The following ROBO1 variants were observed in gnomAD, a reference collection of about 807,000 sequenced individuals.
ROBO1 encodes the protein roundabout homolog 1.
Under a neutral mutation model 195.9 loss-of-function variants are expected in ROBO1, and 149 were observed. The observed-to-expected ratio is 0.76, with a 90% CI of 0.67 to 0.87. The LOEUF (loss-of-function observed/expected upper bound fraction) is 0.87. Ranked by LOEUF, ROBO1 falls within the 40% of genes least tolerant of loss-of-function variation. ROBO1 has a pLI of 0.00. For missense variants in ROBO1, 1,933 were observed against 2,068.3 expected (o/e 0.93, Z 1.27); for synonymous variants, 816 against 733.2 (o/e 1.11, Z -1.82).
intron 2 of ROBO1, among the ~76,000 whole-genome samples, chr3:79,389,628 A>C (rs1365402580): frequency 6.6e-6 from 1 of 152,200 alleles, no homozygotes; most frequent in African/African-American, 2.4e-5. Flanking sequence ...CACTGTGAAG[A>C]GGCAACTTTG....
At chr3:78,752,607 A>G (rs1209585824) in intron 4 of ROBO1, among the ~76,000 whole-genome samples, 1 of 152,188 alleles carries the variant, frequency 6.6e-6, no homozygotes, top group Non-Finnish European at 1.5e-5. Context: ...CTTAATATTT[A>G]TTAAATAATT....
At chr3:78,648,991 C>A (rs1387514767) in intron 19 of ROBO1, among the ~76,000 whole-genome samples, 1 of 152,012 alleles carries the variant, frequency 6.6e-6, no homozygotes, top group Admixed American at 6.6e-5. Flanking sequence ...CCAATTTATA[C>A]CCTGGCCTTC....
chr3:79,277,294 A>T (rs2031121746), intron 2 of ROBO1, among the ~76,000 whole-genome samples: 1 of 152,136 alleles, frequency 6.6e-6, no homozygotes. Flanking sequence ...GCCACAAAAA[A>T]ATTAGATCCT....
At chr3:79,280,400 T>C (rs1482047003) in intron 2 of ROBO1, among the ~76,000 whole-genome samples, 2 of 152,108 alleles carry the variant, frequency 1.3e-5, no homozygotes, top group African/African-American at 4.8e-5. Context: ...AAGGTTTACG[T>C]TGTATATACA....
intron 2 of ROBO1, among the ~76,000 whole-genome samples, chr3:79,288,970 T>C (rs1276047075): frequency 2.6e-5 from 4 of 152,162 alleles, no homozygotes; most frequent in Admixed American, 2.0e-4. Context: ...GGACATTCAA[T>C]GTTGTTGTAA....
At chr3:79,251,300 T>C (rs1324962484) in intron 2 of ROBO1, among the ~76,000 whole-genome samples, 1 of 152,164 alleles carries the variant, frequency 6.6e-6, no homozygotes, top group Non-Finnish European at 1.5e-5. Flanking sequence ...ATTTCTTCAT[T>C]GTCTTATTTG....
intron 18 of ROBO1, among the ~76,000 whole-genome samples, chr3:78,653,698 CT>C (rs1706819432): frequency 6.6e-6 from 1 of 152,160 alleles, no homozygotes; most frequent in South Asian, 2.1e-4. Flanking sequence ...AGGTTTTAAC[CT>C]TCCTCCCAGT....
chr3:79,233,665 T>C (rs1209111054), intron 2 of ROBO1, among the ~76,000 whole-genome samples: 1 of 152,072 alleles, frequency 6.6e-6, no homozygotes, highest in Non-Finnish European at 1.5e-5. Context: ...GGAAGTCACA[T>C]CCACTCACCC....
chr3:79,242,953 G>A (rs1051156048), intron 2 of ROBO1, among the ~76,000 whole-genome samples: 1 of 150,842 alleles, frequency 6.6e-6, no homozygotes, highest in Non-Finnish European at 1.5e-5. Context: ...TTTAACATTA[G>A]GTATATCTCC....
At chr3:79,093,186 T>C (rs1029664587) in intron 3 of ROBO1, among the ~76,000 whole-genome samples, 5 of 152,204 alleles carry the variant, frequency 3.3e-5, no homozygotes, top group Middle Eastern at 3.4e-3. Context: ...TGTAAGAATA[T>C]GGGGTAACAC....
At chr3:79,328,238 A>G (rs1017125441) in intron 2 of ROBO1, among the ~76,000 whole-genome samples, 1 of 152,196 alleles carries the variant, frequency 6.6e-6, no homozygotes, top group African/African-American at 2.4e-5. Context: ...ATGCATCATT[A>G]AAACAGAGCC....
chr3:78,682,655 G>C (rs1356397096), intron 10 of ROBO1, among the ~76,000 whole-genome samples: 2 of 145,470 alleles, frequency 1.4e-5, no homozygotes, highest in Non-Finnish European at 3.0e-5. Flanking sequence ...TAATGTGACT[G>C]TGTATATATA....
intron 2 of ROBO1, among the ~76,000 whole-genome samples, chr3:79,297,142 G>A (rs369977463): frequency 6.6e-6 from 1 of 152,166 alleles, no homozygotes; most frequent in South Asian, 2.1e-4. Flanking sequence ...TCTTTCCTCT[G>A]CAAGGCTAAC....
At chr3:78,725,890 A>G (rs1253540017) in intron 5 of ROBO1, among the ~76,000 whole-genome samples, 1 of 151,800 alleles carries the variant, frequency 6.6e-6, no homozygotes, top group African/African-American at 2.4e-5. Flanking sequence ...TTCATTTTCT[A>G]CCCTAAAGCA....
rs527745197 is a variant in ROBO1, at chr3:78,610,955, G to A, written c.4435+3693C>T. Among the ~76,000 whole-genome samples, 5 of 152,240 alleles carry A rather than the reference G, an allele frequency of 3.3e-5. No homozygotes were observed. The South Asian group carries it at 1.0e-3, about 32-fold the overall frequency. The stretch of plus-strand genomic sequence containing the variant: ...TATAAACAATCCCATATTCCACATA[G>A]TGATATATAGTGCTTTCACCCAATT... On this transcript the variant is annotated intron_variant, in intron 28 of 30. Coordinates refer to ENST00000464233, the MANE Select transcript of ROBO1 (RefSeq NM_002941.4).
intron 2 of ROBO1, among the ~76,000 whole-genome samples, chr3:79,498,988 A>G (rs67257939): frequency 2.6e-5 from 4 of 152,012 alleles, no homozygotes; most frequent in Non-Finnish European, 5.9e-5. Context: ...TTAATTTTTT[A>G]AATTTTTATT....
chr3:79,298,044 A>T (rs1337029532), intron 2 of ROBO1, among the ~76,000 whole-genome samples: 1 of 152,142 alleles, frequency 6.6e-6, no homozygotes, highest in East Asian at 1.9e-4. Context: ...TTTGATCAGG[A>T]ATTAGTGAAA....
At chr3:79,607,302 T>C (rs923044741) in intron 1 of ROBO1, among the ~76,000 whole-genome samples, 23 of 151,414 alleles carry the variant, frequency 1.5e-4, no homozygotes, top group South Asian at 4.1e-4. Context: ...ATTCATAATA[T>C]AAATATTATT....
At chr3:79,591,924 A>G (rs1944010827) in intron 1 of ROBO1, among the ~76,000 whole-genome samples, 1 of 151,732 alleles carries the variant, frequency 6.6e-6, no homozygotes, top group Non-Finnish European at 1.5e-5. Context: ...TCCTGTTTGG[A>G]AAAAACCCTA....
Sources: allele counts gnomAD v4.1 joint callset (sites outside exome capture counted in the v4.1 genomes callset), GRCh38; gene constraint gnomAD v4.1.1; transcripts MANE v1.5; gene names NCBI Gene and HGNC (gene_info 2026-07-23, HGNC 2026-07-21).